Variants in RALYL observed in about 807,000 individuals in gnomAD.
RALYL encodes the protein RNA-binding Raly-like protein.
In RALYL, 29 loss-of-function variants were observed where a neutral mutation model predicts 35.1. The ratio of observed to expected loss-of-function variants is 0.83; its 90% CI spans 0.61 to 1.13. The LOEUF (loss-of-function observed/expected upper bound fraction) is 1.13, where lower values mean the gene tolerates loss of function less well. RALYL is among the 50% of genes most tolerant of loss of function. The probability of loss-of-function intolerance (pLI) is 0.00; values close to 1 mark genes in which losing one functional copy is unlikely to be tolerated. For synonymous variants in RALYL, 120 were observed against 127.6 expected, an observed-to-expected ratio of 0.94 and a Z score of 0.40; for missense variants, 359 against 360.4, an observed-to-expected ratio of 1.00 and a Z score of 0.03.
At chr8:84,514,923 AT>A (rs1180331289) in intron 1 of RALYL, among the ~76,000 whole-genome samples, 1 of 152,152 alleles carries the variant, frequency 6.6e-6, no homozygotes, top group Non-Finnish European at 1.5e-5. Context: ...AGTGGCTGTT[AT>A]AGGTAAAGTG....
chr8:84,634,990 G>C (rs1426037804), intron 2 of RALYL, among the ~76,000 whole-genome samples: 1 of 151,706 alleles, frequency 6.6e-6, no homozygotes, highest in Admixed American at 6.6e-5. Flanking sequence ...CACGTAGTTA[G>C]GGAGAACCTG....
chr8:84,258,758 T>A (rs1380488756), intron 1 of RALYL, among the ~76,000 whole-genome samples: 1 of 152,146 alleles, frequency 6.6e-6, no homozygotes, highest in Non-Finnish European at 1.5e-5. Flanking sequence ...CAACGATTGT[T>A]ACTGTATTGC....
intron 1 of RALYL, among the ~76,000 whole-genome samples, chr8:84,438,827 G>T (rs1264345652): frequency 1.3e-5 from 2 of 152,066 alleles, no homozygotes; most frequent in Non-Finnish European, 2.9e-5. Flanking sequence ...CAGCACCATT[G>T]ATTGAAAATG....
At chr8:84,223,168 C>CTTT (rs1822840955) in intron 1 of RALYL, among the ~76,000 whole-genome samples, 6 of 33,442 alleles carry the variant, frequency 1.8e-4, no homozygotes, top group Admixed American at 8.1e-4. Flanking sequence ...TTTCCTTCCT[C>CTTT]CCTTCCCTTC....
chr8:84,729,679 C>A (rs1158396004), intron 2 of RALYL, among the ~76,000 whole-genome samples: 1 of 151,884 alleles, frequency 6.6e-6, no homozygotes, highest in African/African-American at 2.4e-5. Flanking sequence ...CAAATAGACG[C>A]AATAAAAAAT....
intron 2 of RALYL, among the ~76,000 whole-genome samples, chr8:84,763,822 A>G (rs1563548664): frequency 6.6e-6 from 1 of 152,194 alleles, no homozygotes; most frequent in Non-Finnish European, 1.5e-5. Context: ...TAACGGCATT[A>G]TCATTTCGTG....
intron 2 of RALYL, among the ~76,000 whole-genome samples, chr8:84,583,937 T>C (rs1262842688): frequency 1.3e-5 from 2 of 151,568 alleles, no homozygotes; most frequent in Admixed American, 6.6e-5. Flanking sequence ...TATTTGATGA[T>C]AGTGGAATAT....
chr8:84,250,987 C>T (rs1432501467), intron 1 of RALYL, among the ~76,000 whole-genome samples: 5 of 151,952 alleles, frequency 3.3e-5, no homozygotes, highest in South Asian at 2.1e-4. Context: ...TATTTGTTCC[C>T]AATTCTTCAA....
At chr8:84,757,919 T>C (rs1029685202) in intron 2 of RALYL, among the ~76,000 whole-genome samples, 18 of 152,266 alleles carry the variant, frequency 1.2e-4, no homozygotes, top group African/African-American at 4.1e-4. Flanking sequence ...GCATGCTTTG[T>C]TCCATTAAGT....
chr8:84,543,891 A>C (rs529759894), intron 2 of RALYL, among the ~76,000 whole-genome samples: 1 of 152,048 alleles, frequency 6.6e-6, no homozygotes, highest in Admixed American at 6.6e-5. Flanking sequence ...AACCTCATCA[A>C]TCTTACAGTG....
intron 2 of RALYL, among the ~76,000 whole-genome samples, chr8:84,595,183 G>T (rs1239732551): frequency 2.0e-5 from 3 of 152,060 alleles, no homozygotes; most frequent in African/African-American, 7.2e-5. Flanking sequence ...TAATAATTCT[G>T]CCATGATGTC....
chr8:84,324,174 C>A (rs941873155), intron 1 of RALYL, among the ~76,000 whole-genome samples: 1 of 151,986 alleles, frequency 6.6e-6, no homozygotes, highest in Admixed American at 6.6e-5. Context: ...GGTTTCAGAA[C>A]GTGTGGTTTG....
chr8:84,327,134 G>C (rs1845947945), intron 1 of RALYL, among the ~76,000 whole-genome samples: 1 of 152,136 alleles, frequency 6.6e-6, no homozygotes, highest in Non-Finnish European at 1.5e-5. Context: ...GGGGGTGGTA[G>C]AGCCTAGGAA....
At position 84,303,209 on chromosome 8, in the gene RALYL, A is replaced by T. The variant is rs564658546; in HGVS notation, c.-24+118785A>T. Among the ~76,000 whole-genome samples the T allele has an allele frequency of 4.6e-5, 7 of 152,324 alleles. No individual in the cohort carries two copies. The East Asian group carries it at 1.2e-3, about 25-fold the overall frequency. ...GCAGAGCATCTGGAACATATTAGAAAAAATATGAATGAATGAATGATAGAC... is the reference window on the plus strand; with the variant it reads ...GCAGAGCATCTGGAACATATTAGAATAAATATGAATGAATGAATGATAGAC... On this transcript the variant is annotated intron_variant, in intron 1 of 8. Coordinates refer to ENST00000521268, the MANE Select transcript of RALYL (RefSeq NM_173848.7).
intron 1 of RALYL, among the ~76,000 whole-genome samples, chr8:84,202,986 G>T (rs1817256985): frequency 6.6e-6 from 1 of 152,114 alleles, no homozygotes; most frequent in Admixed American, 6.5e-5. Flanking sequence ...AATTACACAG[G>T]AACGGAGTAG....
intron 2 of RALYL, among the ~76,000 whole-genome samples, chr8:84,713,898 A>G (rs1842571875): frequency 6.6e-6 from 1 of 151,318 alleles, no homozygotes; most frequent in African/African-American, 2.4e-5. Context: ...TATAAATATC[A>G]TATCTCAGAC....
intron 1 of RALYL, among the ~76,000 whole-genome samples, chr8:84,441,882 G>A (rs552284617): frequency 2.6e-5 from 4 of 152,200 alleles, no homozygotes; most frequent in Middle Eastern, 3.4e-3. Flanking sequence ...TGGGGCATTT[G>A]TAAGATTGGC....
At chr8:84,457,315 T>C (rs2050245950) in intron 1 of RALYL, among the ~76,000 whole-genome samples, 1 of 151,982 alleles carries the variant, frequency 6.6e-6, no homozygotes, top group African/African-American at 2.4e-5. Flanking sequence ...CTCTGGATAA[T>C]ATAAATAATA....
At chr8:84,688,530 G>GA (rs374107028) in intron 2 of RALYL, among the ~76,000 whole-genome samples, 1 of 151,676 alleles carries the variant, frequency 6.6e-6, no homozygotes, top group Non-Finnish European at 1.5e-5. Flanking sequence ...TGCAGCAGAA[G>GA]AAAAAAACTT....
Sources: gnomAD v4.1 joint callset for allele counts (sites outside exome capture counted in the v4.1 genomes callset) on GRCh38, gnomAD v4.1.1 for gene constraint, MANE v1.5 for transcripts, NCBI Gene and HGNC (gene_info 2026-07-23, HGNC 2026-07-21) for gene names.